The following TTC39B variants were observed in gnomAD, a reference collection of about 807,000 sequenced individuals.
TTC39B encodes the protein tetratricopeptide repeat protein 39B.
TTC39B carries 92 observed loss-of-function variants against 96.6 expected under a neutral mutation model. That is an observed-to-expected ratio of 0.95 (90% confidence interval 0.80 to 1.13). TTC39B has a LOEUF of 1.13. Among genes scored for constraint, TTC39B ranks in the 50% most tolerant of loss-of-function variants. The pLI is 0.00. For synonymous variants in TTC39B, 367 were observed against 299.4 expected, an observed-to-expected ratio of 1.23 and a Z score of -2.33; for missense variants, 955 against 809.3, an observed-to-expected ratio of 1.18 and a Z score of -2.18.
intron 3 of TTC39B, among the ~76,000 whole-genome samples, chr9:15,215,388 T>C: frequency 6.6e-6 from 1 of 151,554 alleles, no homozygotes; most frequent in East Asian, 1.9e-4. Flanking sequence ...TGAAACCCCG[T>C]CTCTACTAAA....
intron 2 of TTC39B, chr9:15,249,872 T>G: frequency 8.4e-7 from 1 of 1,189,274 alleles, no homozygotes; most frequent in Non-Finnish European, 1.1e-6. Context: ...AAGAGAACAT[T>G]TGAATCATAA....
At chr9:15,229,503 T>C (rs1821309282) in intron 2 of TTC39B, among the ~76,000 whole-genome samples, 1 of 152,264 alleles carries the variant, frequency 6.6e-6, no homozygotes, top group African/African-American at 2.4e-5. Flanking sequence ...ATGGTTTTAT[T>C]ACCTTGCCGG....
At chr9:15,264,678 A>T (rs1179483680) in intron 2 of TTC39B, among the ~76,000 whole-genome samples, 1 of 148,312 alleles carries the variant, frequency 6.7e-6, no homozygotes, top group African/African-American at 2.5e-5. Context: ...AAAAAGGGAA[A>T]CTATGTGAGA....
At chr9:15,234,246 C>A (rs1019624147) in intron 2 of TTC39B, among the ~76,000 whole-genome samples, 3 of 151,720 alleles carry the variant, frequency 2.0e-5, no homozygotes, top group African/African-American at 4.8e-5. Context: ...GCAGCCACCC[C>A]GTCCGGGAGG....
intron 3 of TTC39B, among the ~76,000 whole-genome samples, chr9:15,216,546 C>G (rs1357736192): frequency 1.3e-5 from 2 of 152,206 alleles, no homozygotes; most frequent in African/African-American, 4.8e-5. Flanking sequence ...AGTTGCCTGA[C>G]ACCTCCTATA....
chr9:15,254,903 A>G (rs1822698421), intron 2 of TTC39B, among the ~76,000 whole-genome samples: 1 of 151,310 alleles, frequency 6.6e-6, no homozygotes, highest in Non-Finnish European at 1.5e-5. Context: ...ATAAAAGTCA[A>G]GTTACGCTTG....
chr9:15,235,826 G>T (rs918133116), intron 2 of TTC39B, among the ~76,000 whole-genome samples: 1 of 152,112 alleles, frequency 6.6e-6, no homozygotes, highest in African/African-American at 2.4e-5. Context: ...TCTAAACATG[G>T]AAATGAAAGG....
chr9:15,290,257 CTTACA>C (rs975263756), intron 1 of TTC39B, among the ~76,000 whole-genome samples: 1 of 152,120 alleles, frequency 6.6e-6, no homozygotes, highest in Non-Finnish European at 1.5e-5. Context: ...GACTTGAACA[CTTACA>C]TTAAAGGAAA....
Position 15,278,037 on chromosome 9 carries a change from G to C in TTC39B, c.241-10089C>G, listed in dbSNP as rs577756350. On this transcript the variant is annotated intron_variant, in intron 1 of 19. Transcript: ENST00000512701. ...ATTTGAATTGTATAGCATTGCTTTA[G>C]TTTCTACTAACACATAGATTAGAGA... Among the ~76,000 whole-genome samples the C allele has an allele frequency of 2.2e-4, 34 of 152,288 alleles. 1 individual carries two copies. The South Asian group carries it at 7.1e-3, about 32-fold the overall frequency.
chr9:15,215,207 C>A (rs771493087), intron 3 of TTC39B, among the ~76,000 whole-genome samples: 1 of 152,100 alleles, frequency 6.6e-6, no homozygotes, highest in African/African-American at 2.4e-5. Flanking sequence ...GCCATGATCA[C>A]GCCACTGTAC....
At chr9:15,179,294 G>A (rs117116798) in intron 17 of TTC39B, among the ~76,000 whole-genome samples, 2 of 152,172 alleles carry the variant, frequency 1.3e-5, no homozygotes, top group South Asian at 2.1e-4. Flanking sequence ...GGGAACATAC[G>A]AGGCCCTGGG....
chr9:15,171,748 A>G (rs1817671282), exon 20 of TTC39B: 2 of 217,380 alleles, frequency 9.2e-6, no homozygotes, highest in Non-Finnish European at 1.8e-5. Context: ...CAAGTCTTTC[A>G]AAAGACTTCT....
At chr9:15,227,551 A>G (rs1821192230) in intron 2 of TTC39B, among the ~76,000 whole-genome samples, 3 of 152,176 alleles carry the variant, frequency 2.0e-5, no homozygotes, top group Admixed American at 2.0e-4. Context: ...GTAAGGGAAA[A>G]TGTCATTAGA....
chr9:15,218,248 T>C (rs1291923885), intron 3 of TTC39B, among the ~76,000 whole-genome samples: 3 of 150,388 alleles, frequency 2.0e-5, no homozygotes, highest in East Asian at 3.9e-4. Context: ...AAGTATAGCA[T>C]GATGTAAATA....
chr9:15,281,223 C>CAAGG (rs1330380697), intron 1 of TTC39B, among the ~76,000 whole-genome samples: 2 of 152,048 alleles, frequency 1.3e-5, no homozygotes, highest in East Asian at 3.8e-4. Flanking sequence ...TGGTCTTGGG[C>CAAGG]AAGGTACTTC....
intron 2 of TTC39B, among the ~76,000 whole-genome samples, chr9:15,239,301 T>G (rs1821929195): frequency 6.6e-6 from 1 of 152,196 alleles, no homozygotes; most frequent in Non-Finnish European, 1.5e-5. Context: ...AAGGGAACAC[T>G]TGTACACTGT....
rs971524967 is a variant in TTC39B, at chr9:15,282,377, C to A, written c.241-14429G>T. ...CTGCAGAGGGATAGATACCAAGGAA[C>A]CCTGGGGGCTCATGGAAATATTCTG... On this transcript the variant is annotated intron_variant, in intron 1 of 19. Transcript: ENST00000512701. Among the ~76,000 whole-genome samples the A allele has an allele frequency of 3.9e-5, 6 of 152,258 alleles. No individual in the cohort carries two copies. In the East Asian group the frequency reaches 1.2e-3, roughly 29 times the overall value.
Position 15,189,932 on chromosome 9 carries a change from G to T in TTC39B, c.1106-140C>A, listed in dbSNP as rs907173003. 3 of 647,896 alleles carry T rather than the reference G, an allele frequency of 4.6e-6. No homozygotes were observed. The African/African-American group carries it at 5.5e-5, about 12-fold the overall frequency. 40.1% of individuals were successfully genotyped at this position (647,896 alleles called of 1,614,324 possible). A position where few individuals can be genotyped will look rare whatever the true frequency, so the allele number is the denominator to read the frequency against. ...TATTATTTCATCATTTTTATATCTG[G>T]GGAATAAAATAAAGACCAGTCTCAC... On this transcript the variant is annotated intron_variant, in intron 11 of 19. Coordinates refer to ENST00000512701, the Ensembl canonical transcript of TTC39B.
At chr9:15,199,531 C>T (rs372716855) in intron 8 of TTC39B, among the ~76,000 whole-genome samples, 8 of 151,442 alleles carry the variant, frequency 5.3e-5, no homozygotes, top group African/African-American at 1.7e-4. Flanking sequence ...GTCAGGAGAT[C>T]GAGACCATCC....
Sources: gnomAD v4.1 joint callset for allele counts (sites outside exome capture counted in the v4.1 genomes callset) on GRCh38, gnomAD v4.1.1 for gene constraint, MANE v1.5 for transcripts, NCBI Gene and HGNC (gene_info 2026-07-23, HGNC 2026-07-21) for gene names.